LIPA: variants seen among roughly 807,000 people sequenced by gnomAD.
The protein encoded by LIPA is lipase A, lysosomal acid type, also known as lysosomal acid lipase/cholesteryl ester hydrolase.
Under a neutral mutation model 40.6 loss-of-function variants are expected in LIPA, and 26 were observed. That is an observed-to-expected ratio of 0.64 (90% confidence interval 0.47 to 0.89). LIPA has a LOEUF of 0.89. Among genes scored for constraint, LIPA ranks in the 40% least tolerant of loss-of-function variants. The pLI is 0.00. For synonymous variants in LIPA, 188 were observed against 168.4 expected, an observed-to-expected ratio of 1.12 and a Z score of -0.90; for missense variants, 455 against 479.6, an observed-to-expected ratio of 0.95 and a Z score of 0.48.
At chr10:89,406,866 C>T (rs1841418141) in intron 2 of LIPA, among the ~76,000 whole-genome samples, 1 of 152,198 alleles carries the variant, frequency 6.6e-6, no homozygotes. Context: ...GGACTATCGC[C>T]TATCACCTAT....
intron 2 of LIPA, chr10:89,384,134 T>C: frequency 1.2e-6 from 2 of 1,614,168 alleles, no homozygotes; most frequent in Non-Finnish European, 1.7e-6. Flanking sequence ...CTTGAGCTCT[T>C]AAAAATGGCC....
intron 1 of LIPA, among the ~76,000 whole-genome samples, chr10:89,281,325 C>A (rs988602358): frequency 2.6e-5 from 4 of 152,244 alleles, no homozygotes; most frequent in Middle Eastern, 3.4e-3. Context: ...TAAGCAAGTT[C>A]TTTTTAGTAA....
chr10:89,255,315 G>A (rs1843175548), upstream of LIPA, among the ~76,000 whole-genome samples: 1 of 152,184 alleles, frequency 6.6e-6, no homozygotes, highest in Admixed American at 6.5e-5. Context: ...AGACATGAGA[G>A]GATATGAGAA....
chr10:89,306,655 G>T (rs761654643), intron 1 of LIPA: 8 of 1,614,140 alleles, frequency 5.0e-6, no homozygotes, highest in Non-Finnish European at 6.8e-6. Flanking sequence ...GTGAAGGAGA[G>T]AAGTTAGTTG....
chr10:89,274,716 G>A (rs1260096569), intron 1 of LIPA, among the ~76,000 whole-genome samples: 1 of 152,184 alleles, frequency 6.6e-6, no homozygotes, highest in African/African-American at 2.4e-5. Flanking sequence ...CAAGAGACTA[G>A]GGATAAGGAT....
intron 1 of LIPA, chr10:89,307,651 A>C: frequency 3.1e-6 from 1 of 320,922 alleles, no homozygotes; most frequent in Non-Finnish European, 5.8e-6. Context: ...GAACTGTAAC[A>C]TTTGCTTAGT....
At chr10:89,371,132 G>A (rs1262541078) in intron 2 of LIPA, among the ~76,000 whole-genome samples, 1 of 152,224 alleles carries the variant, frequency 6.6e-6, no homozygotes. Context: ...GCCCAAGTAG[G>A]CACTGGCCAG....
At chr10:89,408,948 A>G (rs1365467236) in intron 2 of LIPA, among the ~76,000 whole-genome samples, 1 of 152,176 alleles carries the variant, frequency 6.6e-6, no homozygotes, top group Non-Finnish European at 1.5e-5. Flanking sequence ...AGTCGTAAAC[A>G]TCTGTTGACC....
At chr10:89,326,050 A>G (rs1331280049) in intron 1 of LIPA, among the ~76,000 whole-genome samples, 1 of 152,186 alleles carries the variant, frequency 6.6e-6, no homozygotes, top group Non-Finnish European at 1.5e-5. Context: ...AAGACTAAAA[A>G]TAGAACTACC....
At chr10:89,393,449 T>A in intron 2 of LIPA, 1 of 529,692 alleles carries the variant, frequency 1.9e-6, no homozygotes, top group Non-Finnish European at 2.9e-6. Context: ...AACCATTACT[T>A]AGGCCGGGCA....
At chr10:89,333,704 CT>C (rs951844284) in intron 1 of LIPA, among the ~76,000 whole-genome samples, 2 of 152,156 alleles carry the variant, frequency 1.3e-5, no homozygotes, top group African/African-American at 2.4e-5. Context: ...CAAAGTTTGA[CT>C]GTTTAAAGGG....
At chr10:89,302,139 T>C in intron 1 of LIPA, 1 of 1,613,906 alleles carries the variant, frequency 6.2e-7, no homozygotes, top group South Asian at 1.1e-5. Context: ...GTAAATATTT[T>C]CCCTTCGTAT....
chr10:89,245,935 G>C (rs571966174), intron 2 of LIPA, 142 bp from the exon 3 acceptor site: 26 of 701,818 alleles, frequency 3.7e-5, no homozygotes, highest in African/African-American at 3.7e-4. Flanking sequence ...GCTAAATCTA[G>C]TAGCCAACTT....
chr10:89,295,026 G>GAAAGGAAAGGAAAGGAAAGA (rs1564778295), intron 1 of LIPA, among the ~76,000 whole-genome samples: 1 of 123,568 alleles, frequency 8.1e-6, no homozygotes, highest in Non-Finnish European at 1.6e-5. Flanking sequence ...GAAATGAAAG[G>GAAAGGAAAGGAAAGGAAAGA]AAAGGAAAGG....
intron 1 of LIPA, among the ~76,000 whole-genome samples, chr10:89,313,876 C>T (rs1187551847): frequency 6.6e-6 from 1 of 152,068 alleles, no homozygotes; most frequent in East Asian, 1.9e-4. Flanking sequence ...TTGCCTAAGG[C>T]TAGGGGAGGG....
At chr10:89,328,274 G>A (rs35898568) in intron 1 of LIPA, among the ~76,000 whole-genome samples, 240 of 152,266 alleles carry the variant, frequency 1.6e-3, no homozygotes, top group Non-Finnish European at 2.7e-3. Flanking sequence ...GGCTTCTTAA[G>A]TTTCTGGAAT....
chr10:89,275,168 A>T (rs1413212000), intron 1 of LIPA, among the ~76,000 whole-genome samples: 5 of 152,198 alleles, frequency 3.3e-5, no homozygotes, highest in Non-Finnish European at 1.5e-5. Flanking sequence ...GGTGGAAAAG[A>T]AGCAACTATT....
At chr10:89,276,053 T>C (rs1208174383) in intron 1 of LIPA, among the ~76,000 whole-genome samples, 1 of 152,202 alleles carries the variant, frequency 6.6e-6, no homozygotes, top group African/African-American at 2.4e-5. Flanking sequence ...TGCTAAGCTT[T>C]AAAAGGTAGA....
At chr10:89,247,514 A>G in intron 2 of LIPA, 24 bp downstream of exon 2, 2 of 1,419,788 alleles carry the variant, frequency 1.4e-6, no homozygotes, top group Non-Finnish European at 2.0e-6. Flanking sequence ...GCATTTTAAA[A>G]GTACATAACT....
Sources: allele counts gnomAD v4.1 joint callset (sites outside exome capture counted in the v4.1 genomes callset), GRCh38; gene constraint gnomAD v4.1.1; transcripts MANE v1.5; gene names NCBI Gene and HGNC (gene_info 2026-07-23, HGNC 2026-07-21).